Variants in PCDHAC2 observed in about 807,000 individuals in gnomAD.
PCDHAC2 encodes the protein protocadherin alpha-C2.
In PCDHAC2, 24 loss-of-function variants were observed where a neutral mutation model predicts 63.3. That is an observed-to-expected ratio of 0.38 (90% CI 0.27 to 0.53). PCDHAC2 has a LOEUF of 0.53. PCDHAC2 is among the 20% of genes least tolerant of loss of function. The probability of loss-of-function intolerance (pLI) is 0.81; values close to 1 mark genes in which losing one functional copy is unlikely to be tolerated. For synonymous variants in PCDHAC2, 569 were observed against 529.4 expected (o/e 1.07, Z -1.03); for missense variants, 1,181 against 1,275.2 (o/e 0.93, Z 1.12).
chr5:141,010,025 A>G lies in PCDHAC2; in HGVS notation c.*88A>G. The G allele has an allele frequency of 6.4e-7, 1 of 1,573,940 alleles. No homozygotes were observed. The highest frequency in any genetic ancestry group is 2.2e-5 in the East Asian group (1 of 44,636). ...TAGCAATTCCCTGCTCCTTTTTCCT[A>G]TCTACATGAGCCCTCTTAGAGACCT... On this transcript the variant is annotated 3_prime_UTR_variant, in exon 4 of 4. Transcript: ENST00000289269.
intron 3 of PCDHAC2, among the ~76,000 whole-genome samples, chr5:140,986,524 G>C (rs2097203903): frequency 6.6e-6 from 1 of 152,198 alleles, no homozygotes; most frequent in South Asian, 2.1e-4. Flanking sequence ...GCCTGTGAGG[G>C]AACTGGCCTG....
intron 1 of PCDHAC2, among the ~76,000 whole-genome samples, chr5:140,972,866 G>A (rs1010114234): frequency 6.6e-6 from 1 of 152,046 alleles, no homozygotes; most frequent in Non-Finnish European, 1.5e-5. Context: ...GTTTCATCAT[G>A]TTGTCCAGGA....
At chr5:140,998,591 T>A (rs2097823979) in intron 3 of PCDHAC2, among the ~76,000 whole-genome samples, 1 of 150,884 alleles carries the variant, frequency 6.6e-6, no homozygotes, top group Non-Finnish European at 1.5e-5. Context: ...TGAGACAGAG[T>A]TTTGCTCTTG....
chr5:140,977,839 C>G (rs1400370638), intron 1 of PCDHAC2, among the ~76,000 whole-genome samples: 1 of 152,176 alleles, frequency 6.6e-6, no homozygotes, highest in South Asian at 2.1e-4. Context: ...ATTGATATTA[C>G]TATGGCTTTG....
chr5:140,983,039 A>C (rs1554245052), intron 3 of PCDHAC2, among the ~76,000 whole-genome samples: 1 of 152,036 alleles, frequency 6.6e-6, no homozygotes, highest in Non-Finnish European at 1.5e-5. Flanking sequence ...TTTCTCATGG[A>C]AGTGGAAAAT....
chr5:140,966,987 C>T lies in PCDHAC2; in HGVS notation c.221C>T (p.Pro74Leu), dbSNP rs782372991. 1 of 1,604,132 alleles carries T rather than the reference C, an allele frequency of 6.2e-7. No homozygotes were observed. Among genetic ancestry groups the T allele is most frequent in the South Asian group, 1.1e-5 (1 of 90,888 alleles). Residue 74 changes from proline to leucine, a missense_variant, in exon 1 of 4, where the codon CCG becomes CTG. Around this residue, in one of 3 missense-constraint regions of PCDHAC2, gnomAD observed 210 missense variants for 184.9 expected, o/e 1.14. Transcript: ENST00000289269. ...ALGLELRRLG[P>L]GCLRINHLGA... ...GGGCTTGAGCTGCGGCGCTTGGGGC[C>T]GGGTTGCTTGCGCATCAACCATCTG...
At position 140,969,004 on chromosome 5, in the gene PCDHAC2, T is replaced by C. The variant is rs1554231338; in HGVS notation, c.2238T>C (p.Cys746=). 2 of 1,614,060 alleles carry C rather than the reference T, an allele frequency of 1.2e-6. No homozygotes were observed. Among genetic ancestry groups the C allele is most frequent in the East Asian group, 2.2e-5 (1 of 44,884 alleles). ...AYGTACCGGF[C]GVRERSPAEL... ...GCACTGCATGCTGTGGAGGCTTCTGTGGAGTAAGGGAAAGGTCCCCTGCAG... is the reference window on the plus strand; with the variant it reads ...GCACTGCATGCTGTGGAGGCTTCTGCGGAGTAAGGGAAAGGTCCCCTGCAG... The change falls in exon 1 of 4, where the codon TGT becomes TGC. Residue 746 remains cysteine (C), a synonymous_variant. Transcript: ENST00000289269.
At position 140,979,482 on chromosome 5, in the gene PCDHAC2, C is replaced by A. The variant is rs568650143; in HGVS notation, c.2624+475C>A. On this transcript the variant is annotated intron_variant, in intron 2 of 3. Coordinates refer to ENST00000289269, the MANE Select transcript of PCDHAC2 (RefSeq NM_018899.6). Reference sequence around the variant, plus strand: ...ATTGATTGCTATTGTTGTTTGTGTTCACACCTATTAGAGCCTCCTCATCTT... The same window carrying A: ...ATTGATTGCTATTGTTGTTTGTGTTAACACCTATTAGAGCCTCCTCATCTT... Among the ~76,000 whole-genome samples, 6 of 152,068 alleles carry A rather than the reference C, an allele frequency of 3.9e-5. No homozygotes were observed. In the South Asian group the frequency reaches 1.0e-3, roughly 26 times the overall value.
chr5:140,972,316 G>GTT (rs112435719), intron 1 of PCDHAC2, among the ~76,000 whole-genome samples: 1 of 139,858 alleles, frequency 7.2e-6, no homozygotes, highest in Non-Finnish European at 1.6e-5. Flanking sequence ...GTTTTTAGGT[G>GTT]TTTTTTTTTT....
rs782815903 is a variant in PCDHAC2 at position 140,967,147 on chromosome 5, C to A, written c.381C>A (p.Asn127Lys). 7 of 1,611,068 alleles carry A rather than the reference C, an allele frequency of 4.3e-6. No homozygotes were observed. Among genetic ancestry groups the A allele is most frequent in the South Asian group, 2.2e-5 (2 of 90,992 alleles). The stretch of plus-strand genomic sequence containing the variant: ...TCAGCTTGGAAGTGCTGGCGCACAA[C>A]CCCGTGGCGGTGAGCGCCGTTGAGG... ...CLLSLEVLAH[N>K]PVAVSAVEVE... is the part of the protein sequence containing the mutation. The change falls in exon 1 of 4, where the codon AAC becomes AAA. Residue 127 changes from asparagine (N) to lysine (K), a missense_variant. By Grantham distance (94) the Asn-to-Lys change is moderately conservative. This residue lies in a region of PCDHAC2 where 210 missense variants were observed against 184.9 expected (regional missense o/e 1.14). Coordinates refer to ENST00000289269, the MANE Select transcript of PCDHAC2 (RefSeq NM_018899.6).
At chr5:141,000,939 A>G (rs551872377) in intron 3 of PCDHAC2, among the ~76,000 whole-genome samples, 2 of 152,294 alleles carry the variant, frequency 1.3e-5, no homozygotes, top group East Asian at 3.9e-4. Context: ...ATTTAGGACA[A>G]ATTATCTTGC....
rs782568393 is a variant in PCDHAC2 at position 141,011,637 on chromosome 5, C to G, written c.*1700C>G. The G allele has an allele frequency of 2.0e-5, 3 of 153,526 alleles. No homozygotes were observed. Among genetic ancestry groups the G allele is most frequent in the Non-Finnish European group, 4.4e-5 (3 of 68,022 alleles). The allele number at this position is 153,526 out of a possible 1,614,324, so 9.5% of individuals were successfully genotyped here. ...GGTCCAGCCAAGAGCCATCTCGTGC[C>G]AAGACTTCTGCTGGCAAGGGAATGG... is the stretch of plus-strand genomic sequence containing the variant. On this transcript the variant is annotated 3_prime_UTR_variant, in exon 4 of 4. Transcript: ENST00000289269.
chr5:140,982,963 A>G (rs2097017646), intron 3 of PCDHAC2, among the ~76,000 whole-genome samples: 1 of 151,972 alleles, frequency 6.6e-6, no homozygotes, highest in South Asian at 2.1e-4. Context: ...AAACCCACCC[A>G]AAGTAGTAAG....
rs147892853 is a variant in PCDHAC2 at position 140,979,173 on chromosome 5, C to A, written c.2624+166C>A. ...CCCATGTTTATTCCTTGAAAGATCG[C>A]AAATGGTCAGTGCCAGATGCTTATC... On this transcript the variant is annotated intron_variant, in intron 2 of 3. Transcript: ENST00000289269. The A allele has an allele frequency of 5.2e-6, 5 of 958,838 alleles. No individual in the cohort carries two copies. The Admixed American group carries it at 3.1e-4, about 59-fold the overall frequency. 59.4% of individuals were successfully genotyped at this position (958,838 alleles called of 1,614,324 possible).
intron 3 of PCDHAC2, among the ~76,000 whole-genome samples, chr5:141,005,280 C>T (rs2098203817): frequency 6.6e-6 from 1 of 152,180 alleles, no homozygotes; most frequent in Non-Finnish European, 1.5e-5. Context: ...GGTGAATAAA[C>T]AGATACATTT....
At chr5:140,984,031 CAT>C (rs2153832931) in intron 3 of PCDHAC2, among the ~76,000 whole-genome samples, 1 of 152,260 alleles carries the variant, frequency 6.6e-6, no homozygotes, top group South Asian at 2.1e-4. Context: ...AGGGGAAAAA[CAT>C]AAAATAGTTC....
chr5:140,982,373 T>C, intron 2 of PCDHAC2, 102 bp from the exon 3 acceptor site: 1 of 1,559,640 alleles, frequency 6.4e-7, no homozygotes, highest in Non-Finnish European at 8.7e-7. Context: ...ATGTGTTAGC[T>C]GCAGCCCTGG....
At chr5:140,985,180 G>A (rs782679962) in intron 3 of PCDHAC2, among the ~76,000 whole-genome samples, 1 of 152,028 alleles carries the variant, frequency 6.6e-6, no homozygotes, top group Non-Finnish European at 1.5e-5. Flanking sequence ...CTCGTAATCC[G>A]CCTGCCTCGG....
chr5:141,011,190 T>C lies in PCDHAC2; in HGVS notation c.*1253T>C, dbSNP rs1321258440. On this transcript the variant is annotated 3_prime_UTR_variant, in exon 4 of 4. Coordinates refer to ENST00000289269, the MANE Select transcript of PCDHAC2 (RefSeq NM_018899.6). Reference sequence around the variant, plus strand: ...AAGACCCAAAAATTGAAGAAAAATATTGTTTTCTCATACAGTGAGCAGATT... The same window carrying C: ...AAGACCCAAAAATTGAAGAAAAATACTGTTTTCTCATACAGTGAGCAGATT... The C allele has an allele frequency of 1.3e-5, 2 of 153,748 alleles. No individual in the cohort carries two copies. The highest frequency in any genetic ancestry group is 1.9e-4 in the East Asian group (1 of 5,200). The allele number at this position is 153,748 out of a possible 1,614,324, so 9.5% of individuals were successfully genotyped here. A position where few individuals can be genotyped will look rare whatever the true frequency, so the allele number is the denominator to read the frequency against.
Sources: allele counts gnomAD v4.1 joint callset (sites outside exome capture counted in the v4.1 genomes callset), GRCh38; gene constraint gnomAD v4.1.1; regional missense constraint gnomAD v4.1.1; transcripts MANE v1.5; gene names NCBI Gene and HGNC (gene_info 2026-07-23, HGNC 2026-07-21).